ABCC4: variants seen among roughly 807,000 people sequenced by gnomAD.
ABCC4 encodes the protein ATP-binding cassette sub-family C member 4.
ABCC4 carries 102 observed loss-of-function variants against 168.5 expected under a neutral mutation model. That is an observed-to-expected ratio of 0.61 (90% CI 0.52 to 0.71). ABCC4 has a LOEUF of 0.71. Ranked by LOEUF, ABCC4 falls within the 30% of genes least tolerant of loss-of-function variation. The pLI is 0.00. For missense variants in ABCC4, 1,402 were observed against 1,605.8 expected (o/e 0.87, Z 2.17); for synonymous variants, 617 against 590.7 (o/e 1.04, Z -0.65).
intron 4 of ABCC4, among the ~76,000 whole-genome samples, chr13:95,233,319 T>A (rs377201518): frequency 1.8e-4 from 27 of 146,790 alleles, no homozygotes; most frequent in Non-Finnish European, 1.9e-4. Flanking sequence ...AGTGCACCCA[T>A]AAAAAAAAAA....
rs4148522 is a variant in ABCC4, at chr13:95,115,273, GT to G, written c.2535+648del. ...AGAAGGTATTTCTGTAGGATTGTTGGTTTTTTTTTTTTAAAGACAGCTTAAG... is the reference window on the plus strand; with the variant it reads ...AGAAGGTATTTCTGTAGGATTGTTGGTTTTTTTTTTTAAAGACAGCTTAAG... On this transcript the variant is annotated intron_variant, in intron 20 of 30. Coordinates refer to ENST00000645237, the MANE Select transcript of ABCC4 (RefSeq NM_005845.5). 4.0e-3 allele frequency among the ~76,000 whole-genome samples: 577 copies of G among 146,064 alleles called. 11 individuals carry two copies. The highest frequency in any genetic ancestry group is 0.03 in the East Asian group (152 of 5,060).
intron 30 of ABCC4, among the ~76,000 whole-genome samples, chr13:95,030,182 G>A (rs1369892160): frequency 6.6e-6 from 1 of 152,046 alleles, no homozygotes; most frequent in Admixed American, 6.6e-5. Context: ...CACCATGCCT[G>A]GCTAATTTTT....
Position 95,107,050 on chromosome 13 carries a change from A to T in ABCC4, c.2535+8872T>A, listed in dbSNP as rs2035032108. On this transcript the variant is annotated intron_variant, in intron 20 of 30. Coordinates refer to ENST00000645237, the MANE Select transcript of ABCC4 (RefSeq NM_005845.5). ...TATGGGTGGACCACCTGAGGTCAGG[A>T]GTTCAAGACCAGCCTGGCCAACATG... is the stretch of plus-strand genomic sequence containing the variant. 2.6e-5 allele frequency among the ~76,000 whole-genome samples: 4 copies of T among 152,096 alleles called. No homozygotes were observed. The South Asian group carries it at 8.3e-4, about 32-fold the overall frequency.
intron 13 of ABCC4, 39 bp downstream of exon 13, chr13:95,177,668 T>C (rs55711891): frequency 1.3e-6 from 2 of 1,565,934 alleles, no homozygotes; most frequent in Non-Finnish European, 1.7e-6. Flanking sequence ...GAAATGGCTC[T>C]GGAAAAGCAG....
chr13:95,156,262 A>T (rs926553800), intron 19 of ABCC4, among the ~76,000 whole-genome samples: 2 of 152,218 alleles, frequency 1.3e-5, no homozygotes, highest in Non-Finnish European at 2.9e-5. Flanking sequence ...TTACTTTTTA[A>T]ATTTCATATT....
chr13:95,211,776 G>A (rs1229592310), intron 4 of ABCC4, among the ~76,000 whole-genome samples: 1 of 152,164 alleles, frequency 6.6e-6, no homozygotes, highest in African/African-American at 2.4e-5. Flanking sequence ...CTGGAAGGAG[G>A]AGAATGAGTT....
rs117818425 is a variant in ABCC4 at position 95,041,857 on chromosome 13, C to G, written c.3735+1825G>C. ...GAGGCCAGTTCCCAATCTCAAGCTA[C>G]AGAATGCATGTCTCCTGGGTTCCCT... On this transcript the variant is annotated intron_variant, in intron 29 of 30. Coordinates refer to ENST00000645237, the MANE Select transcript of ABCC4 (RefSeq NM_005845.5). 9.2e-5 allele frequency among the ~76,000 whole-genome samples: 14 copies of G among 152,298 alleles called. 1 individual carries two copies. In the East Asian group the frequency reaches 2.7e-3, roughly 29 times the overall value.
At chr13:95,126,466 T>C (rs1241656284) in intron 19 of ABCC4, among the ~76,000 whole-genome samples, 1 of 151,942 alleles carries the variant, frequency 6.6e-6, no homozygotes, top group Admixed American at 6.6e-5. Flanking sequence ...CATACAAGTA[T>C]ATGTAATACT....
At chr13:95,148,186 T>A (rs1433483512) in intron 19 of ABCC4, among the ~76,000 whole-genome samples, 1 of 152,180 alleles carries the variant, frequency 6.6e-6, no homozygotes, top group African/African-American at 2.4e-5. Context: ...AGGTACCATA[T>A]CAAATGCTTT....
At chr13:95,268,048 T>C (rs2040731485) in intron 1 of ABCC4, among the ~76,000 whole-genome samples, 2 of 152,206 alleles carry the variant, frequency 1.3e-5, no homozygotes, top group African/African-American at 4.8e-5. Context: ...GAGATCAGAC[T>C]GTTACTGTGT....
At chr13:95,062,630 G>T in intron 26 of ABCC4, 74 bp downstream of exon 26, 3 of 1,335,488 alleles carry the variant, frequency 2.2e-6, no homozygotes, top group East Asian at 2.5e-5. Context: ...ATTAAAAAAA[G>T]CAATAAGAGT....
chr13:95,124,488 T>C (rs1199226864), intron 19 of ABCC4, among the ~76,000 whole-genome samples: 1 of 150,700 alleles, frequency 6.6e-6, no homozygotes, highest in African/African-American at 2.5e-5. Flanking sequence ...GCCCAGGAGT[T>C]TGATGATGCA....
intron 4 of ABCC4, among the ~76,000 whole-genome samples, chr13:95,223,360 T>C (rs4612933): frequency 0.77 from 116,362 of 152,098 alleles, 44,993 homozygotes; most frequent in Non-Finnish European, 0.84. Context: ...ATAATAAAAG[T>C]AAATCCAAGT....
chr13:95,115,865 G>A, intron 20 of ABCC4, 57 bp downstream of exon 20: 1 of 1,490,622 alleles, frequency 6.7e-7, no homozygotes, highest in Non-Finnish European at 9.3e-7. Context: ...AAAAGGGCTT[G>A]AAAAAATAGG....
At chr13:95,254,459 G>A (rs2040345508) in intron 1 of ABCC4, among the ~76,000 whole-genome samples, 1 of 152,048 alleles carries the variant, frequency 6.6e-6, no homozygotes, top group African/African-American at 2.4e-5. Context: ...CTCCTCTTGG[G>A]TGTCTGATAA....
At chr13:95,203,011 T>C (rs1288338365) in intron 8 of ABCC4, among the ~76,000 whole-genome samples, 1 of 152,090 alleles carries the variant, frequency 6.6e-6, no homozygotes, top group Non-Finnish European at 1.5e-5. Flanking sequence ...ATCAGCCTTT[T>C]ATTAACTGTT....
At chr13:95,284,701 C>T (rs2041216007) in intron 1 of ABCC4, among the ~76,000 whole-genome samples, 1 of 152,146 alleles carries the variant, frequency 6.6e-6, no homozygotes, top group African/African-American at 2.4e-5. Context: ...AGGGCAGGGA[C>T]CAGGGTCACT....
Position 95,286,201 on chromosome 13 carries a change from C to A in ABCC4, c.74+15040G>T, listed in dbSNP as rs796406113. On this transcript the variant is annotated intron_variant, in intron 1 of 30. Coordinates refer to ENST00000645237, the MANE Select transcript of ABCC4 (RefSeq NM_005845.5). The stretch of plus-strand genomic sequence containing the variant: ...GTGGCACAATTTCGGCTCACTGCAA[C>A]CTCCGCCTCCCAGGTTCAAGCGATT... Among the ~76,000 whole-genome samples the A allele has an allele frequency of 2.6e-4, 34 of 132,094 alleles. 1 individual carries two copies. Among genetic ancestry groups the A allele is most frequent in the African/African-American group, 8.9e-4 (33 of 37,014 alleles). The allele number at this position is 132,094 out of a possible 152,430, so 86.7% of individuals were successfully genotyped here.
intron 1 of ABCC4, among the ~76,000 whole-genome samples, chr13:95,287,189 C>G (rs2041279372): frequency 1.3e-5 from 2 of 151,580 alleles, no homozygotes; most frequent in Admixed American, 1.3e-4. Flanking sequence ...TTTCAGCTAC[C>G]TGGGAGGCTG....
Sources: gnomAD v4.1 joint callset for allele counts (sites outside exome capture counted in the v4.1 genomes callset) on GRCh38, gnomAD v4.1.1 for gene constraint, MANE v1.5 for transcripts, NCBI Gene and HGNC (gene_info 2026-07-23, HGNC 2026-07-21) for gene names.